The following EPHB4 variants were observed in gnomAD, a reference collection of about 807,000 sequenced individuals.
EPHB4 encodes the protein EPH receptor B4.
A neutral mutation model predicts 110.6 loss-of-function variants in EPHB4; 50 were observed. That is an observed-to-expected ratio of 0.45 (90% CI 0.36 to 0.57). EPHB4 has a LOEUF of 0.57. EPHB4 is among the 20% of genes least tolerant of loss of function. The pLI is 0.00. For synonymous variants in EPHB4, 592 were observed against 578.4 expected (o/e 1.02, Z -0.34); for missense variants, 1,128 against 1,382.1 (o/e 0.82, Z 2.91).
Position 100,824,241 on chromosome 7 carries a change from C to G in EPHB4, c.85G>C (p.Asp29His). Residue 29 changes from aspartate to histidine, a missense_variant, in exon 2 of 17, where the codon GAT (aspartate) becomes CAT (histidine). Asp to His is a moderately conservative substitution (Grantham distance 81, BLOSUM62 -1). This residue lies in a region of EPHB4 where 728 missense variants were observed against 828.6 expected (regional missense o/e 0.88). Coordinates refer to ENST00000358173, the MANE Select transcript of EPHB4 (RefSeq NM_004444.5). ...TLLNTKLETA[D>H]LKWVTFPQVD... ...TGAGGGAATGTCACCCACTTCAGAT[C>G]AGCAGTTTCCAATTTTGTGTTCAGC... 1 of 1,613,962 alleles carries G rather than the reference C, an allele frequency of 6.2e-7. No individual in the cohort carries two copies. Among genetic ancestry groups the G allele is most frequent in the Non-Finnish European group, 8.5e-7 (1 of 1,180,002 alleles).
chr7:100,822,794 T>G lies in EPHB4; in HGVS notation c.412-127A>C. The G allele has an allele frequency of 7.4e-7, 1 of 1,354,672 alleles. No homozygotes were observed. The highest frequency in any genetic ancestry group is 9.7e-7 in the Non-Finnish European group (1 of 1,029,036). The allele number at this position is 1,354,672 out of a possible 1,614,324, so 83.9% of individuals were successfully genotyped here. A position where few individuals can be genotyped will look rare whatever the true frequency, so the allele number is the denominator to read the frequency against. The stretch of plus-strand genomic sequence containing the variant: ...CCGTTCCAGAATCTTCCCTCCACCT[T>G]CCCCAGGGCACACTTTCTGCAGGCC... On this transcript the variant is annotated intron_variant, in intron 3 of 16. Transcript: ENST00000358173. The surrounding 1 kb of genome is among the most constrained non-coding windows in gnomAD (Gnocchi z 4.7).
intron 6 of EPHB4, 72 bp downstream of exon 6, chr7:100,819,485 G>A: frequency 6.7e-7 from 1 of 1,484,950 alleles, no homozygotes. Context: ...CACAGCCCCT[G>A]CCTCTCCCCT....
intron 8 of EPHB4, among the ~76,000 whole-genome samples, chr7:100,815,075 T>C (rs1285348670): frequency 6.7e-6 from 1 of 149,224 alleles, no homozygotes; most frequent in African/African-American, 2.5e-5. Context: ...TCACAGCACT[T>C]TGGGAGGCTG....
chr7:100,804,847 A>T (rs1029718323), intron 16 of EPHB4, among the ~76,000 whole-genome samples: 1 of 152,192 alleles, frequency 6.6e-6, no homozygotes, highest in Non-Finnish European at 1.5e-5. Flanking sequence ...GAGTTGACAC[A>T]TTGTTACCGT....
At chr7:100,809,462 T>C (rs916675404) in intron 12 of EPHB4, among the ~76,000 whole-genome samples, 4 of 152,120 alleles carry the variant, frequency 2.6e-5, no homozygotes, top group African/African-American at 9.6e-5. Flanking sequence ...CCCGTCACAC[T>C]GCCCAATGCA....
chr7:100,819,709 C>A lies in EPHB4; in HGVS notation c.1145G>T (p.Gly382Val). Reference protein sequence around the residue: ...PCGGDLTFDPGPRDLVEPWVV... With the variant: ...PCGGDLTFDPVPRDLVEPWVV... ...CCAGGGCTCCACCAGGTCCCGGGGGCCGGGGTCAAAAGTCAGGTCTCCCCC... is the reference window on the plus strand; with the variant it reads ...CCAGGGCTCCACCAGGTCCCGGGGGACGGGGTCAAAAGTCAGGTCTCCCCC... The change falls in exon 6 of 17, where the codon GGC (glycine) becomes GTC (valine). Residue 382 changes from glycine (G) to valine (V), a missense_variant. Physicochemically the swap from Gly to Val is moderately radical, Grantham distance 109. Coordinates refer to ENST00000358173, the MANE Select transcript of EPHB4 (RefSeq NM_004444.5). The A allele has an allele frequency of 6.2e-7, 1 of 1,613,256 alleles. No homozygotes were observed. The highest frequency in any genetic ancestry group is 8.5e-7 in the Non-Finnish European group (1 of 1,179,828).
intron 12 of EPHB4, among the ~76,000 whole-genome samples, chr7:100,808,650 A>G (rs531108981): frequency 1.8e-4 from 28 of 152,324 alleles, no homozygotes; most frequent in African/African-American, 6.5e-4. Flanking sequence ...GATCGGTGCA[A>G]AAACCAAGGT....
chr7:100,809,413 CT>C (rs1431325375), intron 12 of EPHB4, among the ~76,000 whole-genome samples: 4 of 151,722 alleles, frequency 2.6e-5, no homozygotes. Flanking sequence ...AGCTGGGATC[CT>C]CTTAAACTAC....
intron 4 of EPHB4, among the ~76,000 whole-genome samples, chr7:100,821,814 C>T (rs970811943): frequency 2.6e-5 from 4 of 151,776 alleles, no homozygotes; most frequent in Non-Finnish European, 5.9e-5. Context: ...CCTGCTACAA[C>T]TGCAGGTGGA....
chr7:100,823,519 C>A, intron 3 of EPHB4, 125 bp downstream of exon 3: 1 of 1,292,984 alleles, frequency 7.7e-7, no homozygotes, highest in Non-Finnish European at 1.0e-6. Flanking sequence ...ACCTAAGCCT[C>A]CTGCTTCCAG....
intron 8 of EPHB4, among the ~76,000 whole-genome samples, chr7:100,816,905 A>T (rs1326867781): frequency 6.6e-6 from 1 of 151,878 alleles, no homozygotes; most frequent in Non-Finnish European, 1.5e-5. Flanking sequence ...AACGCGGTGA[A>T]GCCCCGTCTC....
rs987844281 is a variant in EPHB4, at chr7:100,813,381, T to C, written c.1757-173A>G. The C allele has an allele frequency of 1.7e-5, 11 of 631,114 alleles. No homozygotes were observed. The Admixed American group carries it at 3.5e-4, about 20-fold the overall frequency. 39.1% of individuals were successfully genotyped at this position (631,114 alleles called of 1,614,324 possible). On this transcript the variant is annotated intron_variant, in intron 10 of 16. Transcript: ENST00000358173. ...CCAGGCCTGGAGCGCAGTGGCGCGA[T>C]CTTGGCTCACTGCAATCTCCGCCTC...
Position 100,819,812 on chromosome 7 carries a change from C to T in EPHB4, c.1042G>A (p.Glu348Lys). 6.4e-7 allele frequency: 1 copy of T among 1,562,034 alleles called. No homozygotes were observed. Among genetic ancestry groups the T allele is most frequent in the South Asian group, 1.2e-5 (1 of 85,874 alleles). ...SLHLEWSAPL[E>K]SGGREDLTYA... ...GTGAGGTCCTCTCGGCCACCAGACT[C>T]CAGGGGGGCACTCCATTCCAGGTGC... The change falls in exon 6 of 17, where the codon GAG becomes AAG. Residue 348 changes from glutamate (E) to lysine (K), a missense_variant. This residue lies in a region of EPHB4 where 728 missense variants were observed against 828.6 expected (regional missense o/e 0.88). Coordinates refer to ENST00000358173, the MANE Select transcript of EPHB4 (RefSeq NM_004444.5).
In EPHB4 at chr7:100,805,137, G is replaced by T. The variant is rs113830085; in HGVS notation, c.2834+29C>A. The T allele has an allele frequency of 8.6e-4, 1,378 of 1,605,960 alleles. 9 individuals carry two copies. The African/African-American group carries it at 0.014, about 17-fold the overall frequency. On this transcript the variant is annotated intron_variant, in intron 16 of 16. Coordinates refer to ENST00000358173, the MANE Select transcript of EPHB4 (RefSeq NM_004444.5). ...TGACTCCAGCTGCCCCGCTCTCCCA[G>T]CCCCACTCCAGCTCCTGCCACTGCT...
rs550225897 is a variant in EPHB4 at position 100,827,069 on chromosome 7, G to A, written c.-39C>T. On this transcript the variant is annotated 5_prime_UTR_variant, in exon 1 of 17. Coordinates refer to ENST00000358173, the MANE Select transcript of EPHB4 (RefSeq NM_004444.5). ...TCGGGTAGGATCCGAACTGAGTTTG[G>A]GGGGCCCTCGCCCCCCCAGGTCTGA... 3.2e-6 allele frequency: 5 copies of A among 1,555,242 alleles called. No individual in the cohort carries two copies. The South Asian group carries it at 5.9e-5, about 18-fold the overall frequency.
intron 8 of EPHB4, among the ~76,000 whole-genome samples, chr7:100,815,226 G>C (rs1813039064): frequency 1.3e-5 from 2 of 152,024 alleles, no homozygotes; most frequent in African/African-American, 4.8e-5. Context: ...GGGAGGCTGA[G>C]GTGGGAGGAT....
chr7:100,816,176 A>G (rs996583969), intron 8 of EPHB4, among the ~76,000 whole-genome samples: 2 of 151,240 alleles, frequency 1.3e-5, no homozygotes, highest in Non-Finnish European at 2.9e-5. Context: ...AAAAAAAAAA[A>G]TGTGAAAGAA....
Position 100,827,362 on chromosome 7 carries a change from T to TC in EPHB4, c.-333dup, listed in dbSNP as rs1410206863. ...GGGGCTGAGCCGGCCGCTCGCGGTC[T>TC]CCCCCCCTCCCTGGAGTGGCTCTGC... is the stretch of plus-strand genomic sequence containing the variant. On this transcript the variant is annotated 5_prime_UTR_variant, in exon 1 of 17. Coordinates refer to ENST00000358173, the MANE Select transcript of EPHB4 (RefSeq NM_004444.5). 2 of 150,080 alleles carry TC rather than the reference T, an allele frequency of 1.3e-5. No individual in the cohort carries two copies. The highest frequency in any genetic ancestry group is 2.1e-4 in the South Asian group (1 of 4,796). The allele number at this position is 150,080 out of a possible 1,614,324, so 9.3% of individuals were successfully genotyped here.
In EPHB4 at chr7:100,813,956, C is replaced by T. The variant is rs1813006666; in HGVS notation, c.1654G>A (p.Val552Ile). The change falls in exon 9 of 17, where the codon GTC becomes ATC. Residue 552 changes from valine to isoleucine, a missense_variant. By Grantham distance (29) the Val-to-Ile change is conservative (BLOSUM62 3). Around this residue, in one of 3 missense-constraint regions of EPHB4, gnomAD observed 728 missense variants for 828.6 expected, o/e 0.88. Transcript: ENST00000358173. ...ACTGCGACCACAATGACCACCAGGA[C>T]CAGGACCACACCCACGACTGCCGTG... ...AGTAVVGVVLVLVVIVVAVLC... is the reference protein window; with the variant it reads ...AGTAVVGVVLILVVIVVAVLC... The T allele has an allele frequency of 6.2e-7, 1 of 1,614,192 alleles. No individual in the cohort carries two copies. Among genetic ancestry groups the T allele is most frequent in the African/African-American group, 1.3e-5 (1 of 75,060 alleles).
Sources: gnomAD v4.1 joint callset for allele counts (sites outside exome capture counted in the v4.1 genomes callset) on GRCh38, gnomAD v4.1.1 for gene constraint, gnomAD v4.1.1 regional missense constraint, Gnocchi (gnomAD v3.1) non-coding constraint, MANE v1.5 for transcripts, NCBI Gene and HGNC (gene_info 2026-07-23, HGNC 2026-07-21) for gene names.